Variants in RCAN2 observed in about 807,000 individuals in gnomAD.
The protein encoded by RCAN2 is regulator of calcineurin 2.
RCAN2 carries 9 observed loss-of-function variants against 23.6 expected under a neutral mutation model. The observed-to-expected ratio is 0.38, with a 90% CI of 0.23 to 0.67. RCAN2 has a LOEUF of 0.67. RCAN2 is among the 30% of genes least tolerant of loss of function. The pLI is 0.51. For synonymous variants in RCAN2, 109 were observed against 115.7 expected, an observed-to-expected ratio of 0.94 and a Z score of 0.37; for missense variants, 273 against 302.3, an observed-to-expected ratio of 0.90 and a Z score of 0.72.
intron 2 of RCAN2, among the ~76,000 whole-genome samples, chr6:46,356,470 T>C (rs1764834275): frequency 1.3e-5 from 2 of 152,132 alleles, no homozygotes; most frequent in Non-Finnish European, 2.9e-5. Flanking sequence ...TTTTCCTACG[T>C]GTCCTCAAAT....
intron 2 of RCAN2, among the ~76,000 whole-genome samples, chr6:46,263,503 A>ATGTGTGTGTGTGTGTGTGTG (rs879389951): frequency 1.4e-5 from 1 of 70,556 alleles, no homozygotes. Context: ...GTATGTGTGT[A>ATGTGTGTGTGTGTGTGTGTG]TGTGTGTGTA....
At chr6:46,256,816 A>G (rs1766933654) in intron 2 of RCAN2, among the ~76,000 whole-genome samples, 1 of 152,236 alleles carries the variant, frequency 6.6e-6, no homozygotes, top group African/African-American at 2.4e-5. Flanking sequence ...ACATACATTG[A>G]AGCCAAGAAG....
intron 1 of RCAN2, among the ~76,000 whole-genome samples, chr6:46,485,261 G>A (rs1369517025): frequency 3.3e-5 from 5 of 152,164 alleles, no homozygotes; most frequent in Non-Finnish European, 7.3e-5. Flanking sequence ...TGCAGCTAAT[G>A]AGAAAAATAT....
intron 2 of RCAN2, among the ~76,000 whole-genome samples, chr6:46,421,928 A>G (rs73454936): frequency 0.03 from 4,602 of 152,320 alleles, 220 homozygotes; most frequent in African/African-American, 0.1. Context: ...AGGAGATAGA[A>G]AACTGTTAGT....
At chr6:46,461,649 G>A (rs1207967319) in intron 1 of RCAN2, among the ~76,000 whole-genome samples, 3 of 150,896 alleles carry the variant, frequency 2.0e-5, no homozygotes, top group Non-Finnish European at 2.9e-5. Context: ...ACAATGGCAC[G>A]ATCTTGACTC....
chr6:46,245,450 T>A (rs939390131), intron 4 of RCAN2, among the ~76,000 whole-genome samples: 1 of 152,140 alleles, frequency 6.6e-6, no homozygotes, highest in Admixed American at 6.5e-5. Context: ...GCAGTGAAGG[T>A]CCTATGGCCA....
At position 46,275,832 on chromosome 6, in the gene RCAN2, T is replaced by C. The variant is rs1005402345; in HGVS notation, c.226-26936A>G. 2.3e-4 allele frequency among the ~76,000 whole-genome samples: 35 copies of C among 152,330 alleles called. 1 individual carries two copies. Among genetic ancestry groups the C allele is most frequent in the Non-Finnish European group, 3.5e-4 (24 of 68,022 alleles). On this transcript the variant is annotated intron_variant, in intron 2 of 4. Coordinates refer to ENST00000371374, the MANE Select transcript of RCAN2 (RefSeq NM_001251974.2). ...AGAAAGTTTCTTAAAGTATGGAAGA[T>C]GTTCCACAAATGCAACAACAGTAAA...
intron 4 of RCAN2, among the ~76,000 whole-genome samples, chr6:46,224,214 G>T (rs560834934): frequency 6.6e-6 from 1 of 152,202 alleles, no homozygotes; most frequent in African/African-American, 2.4e-5. Context: ...GTAAGAGGAG[G>T]GGGTATTCTC....
intron 1 of RCAN2, among the ~76,000 whole-genome samples, chr6:46,473,204 A>C (rs1442317144): frequency 6.6e-6 from 1 of 152,130 alleles, no homozygotes; most frequent in Non-Finnish European, 1.5e-5. Context: ...CAAACTCTTA[A>C]AGCATACCAA....
chr6:46,416,205 A>C lies in RCAN2; in HGVS notation c.225+40547T>G, dbSNP rs144688100. 1.8e-4 allele frequency among the ~76,000 whole-genome samples: 27 copies of C among 152,044 alleles called. No homozygotes were observed. The East Asian group carries it at 5.2e-3, about 29-fold the overall frequency. On this transcript the variant is annotated intron_variant, in intron 2 of 4. Transcript: ENST00000371374. ...ATATGAATAAAGAATAAATCGATTA[A>C]GTAAGATTTTGTAAAAAATTAAGTG...
At chr6:46,370,510 A>G (rs1466608606) in intron 2 of RCAN2, among the ~76,000 whole-genome samples, 1 of 152,176 alleles carries the variant, frequency 6.6e-6, no homozygotes, top group Admixed American at 6.5e-5. Context: ...ACAGGGAAAG[A>G]AAGAGTTGGA....
chr6:46,455,866 A>AG (rs1355144005), intron 2 of RCAN2, among the ~76,000 whole-genome samples: 1 of 150,176 alleles, frequency 6.7e-6, no homozygotes, highest in African/African-American at 2.5e-5. Context: ...AAAAAAAAAA[A>AG]AGAAAGAAAG....
chr6:46,395,168 G>A (rs1561888010), intron 2 of RCAN2, among the ~76,000 whole-genome samples: 1 of 152,170 alleles, frequency 6.6e-6, no homozygotes, highest in East Asian at 1.9e-4. Flanking sequence ...GAATATCCAA[G>A]TCAGGCATTC....
At chr6:46,422,354 G>A (rs1441861082) in intron 2 of RCAN2, among the ~76,000 whole-genome samples, 2 of 152,156 alleles carry the variant, frequency 1.3e-5, no homozygotes, top group Admixed American at 6.5e-5. Context: ...CTGGCACCAT[G>A]CTTCCTATAC....
Position 46,373,373 on chromosome 6 carries a change from T to C in RCAN2, c.225+83379A>G, listed in dbSNP as rs542024753. ...TCCACCGCCCAGGTTCCAGTGATTC[T>C]CATGGCTCAGCCTCCTGAGTAGCGG... On this transcript the variant is annotated intron_variant, in intron 2 of 4. Coordinates refer to ENST00000371374, the MANE Select transcript of RCAN2 (RefSeq NM_001251974.2). Among the ~76,000 whole-genome samples the C allele has an allele frequency of 2.5e-4, 38 of 152,200 alleles. No individual in the cohort carries two copies. The South Asian group carries it at 7.3e-3, about 29-fold the overall frequency.
intron 2 of RCAN2, among the ~76,000 whole-genome samples, chr6:46,447,458 G>T (rs938073419): frequency 2.6e-5 from 4 of 151,772 alleles, no homozygotes; most frequent in African/African-American, 9.7e-5. Context: ...TATCAATAAG[G>T]AAACATCAGA....
intron 2 of RCAN2, among the ~76,000 whole-genome samples, chr6:46,446,867 A>G (rs1767725158): frequency 1.3e-5 from 2 of 152,160 alleles, no homozygotes; most frequent in Admixed American, 1.3e-4. Context: ...TCAAAGCATA[A>G]GCCACTATAG....
intron 2 of RCAN2, among the ~76,000 whole-genome samples, chr6:46,448,113 T>G (rs188488190): frequency 9.2e-5 from 14 of 151,660 alleles, no homozygotes; most frequent in African/African-American, 3.1e-4. Flanking sequence ...TAAAAAAATC[T>G]GAGAAGACTC....
rs114487045 is a variant in RCAN2, at chr6:46,309,656, T to C, written c.226-60760A>G. ...ATTATTTCTCACTACTCCCTGTGTA[T>C]ACCTGGAGTGGCTCAATTGGAGAGT... On this transcript the variant is annotated intron_variant, in intron 2 of 4. Coordinates refer to ENST00000371374, the MANE Select transcript of RCAN2 (RefSeq NM_001251974.2). 2.1e-3 allele frequency among the ~76,000 whole-genome samples: 321 copies of C among 152,296 alleles called. 1 individual carries two copies. The highest frequency in any genetic ancestry group is 7.5e-3 in the African/African-American group (310 of 41,578).
Sources: allele counts gnomAD v4.1 joint callset (sites outside exome capture counted in the v4.1 genomes callset), GRCh38; gene constraint gnomAD v4.1.1; transcripts MANE v1.5; gene names NCBI Gene and HGNC (gene_info 2026-07-23, HGNC 2026-07-21).